BCAS3: variants seen among roughly 807,000 people sequenced by gnomAD.
The protein encoded by BCAS3 is BCAS3 microtubule associated cell migration factor, also known as BCAS4/BCAS3 fusion.
In BCAS3, 53 loss-of-function variants were observed where a neutral mutation model predicts 116.1. The observed-to-expected ratio is 0.46, with a 90% CI of 0.37 to 0.57. The LOEUF (loss-of-function observed/expected upper bound fraction) is 0.57. Among genes scored for constraint, BCAS3 ranks in the 20% least tolerant of loss-of-function variants. The pLI, the probability that BCAS3 is intolerant of heterozygous loss-of-function variation, is 0.00. For synonymous variants in BCAS3, 391 were observed against 408.2 expected, an observed-to-expected ratio of 0.96 and a Z score of 0.51; for missense variants, 917 against 1,165.4, an observed-to-expected ratio of 0.79 and a Z score of 3.10.
chr17:60,709,368 C>T, intron 5 of BCAS3, 43 bp downstream of exon 5: 5 of 1,162,094 alleles, frequency 4.3e-6, no homozygotes, highest in Non-Finnish European at 6.4e-6. Context: ...TACTTCCCAG[C>T]ATGTTAGCTT....
intron 6 of BCAS3, among the ~76,000 whole-genome samples, chr17:60,792,262 C>G (rs1282620372): frequency 2.0e-5 from 3 of 152,206 alleles, no homozygotes; most frequent in Non-Finnish European, 4.4e-5. Flanking sequence ...CAGGAACAGG[C>G]AGAAGCCCCA....
At chr17:60,873,468 T>C (rs1468526855) in intron 8 of BCAS3, among the ~76,000 whole-genome samples, 1 of 152,200 alleles carries the variant, frequency 6.6e-6, no homozygotes, top group Admixed American at 6.5e-5. Context: ...TTGTTAAATA[T>C]TTAGTAACAA....
chr17:61,316,217 A>T lies in BCAS3; in HGVS notation c.2426-52110A>T, dbSNP rs1373801755. Among the ~76,000 whole-genome samples the T allele has an allele frequency of 6.6e-6, 1 of 152,066 alleles. No individual in the cohort carries two copies. The highest frequency in any genetic ancestry group is 2.4e-5 in the African/African-American group (1 of 41,404). ...GCTACTCAGGAGGCTGTGGCAGGAG[A>T]ATCACCTGAGTCCAGGAGGTGGAGG... On this transcript the variant is annotated intron_variant, in intron 22 of 23. Transcript: ENST00000407086. The surrounding 1 kb of genome is among the most constrained non-coding windows in gnomAD (Gnocchi z 5.8).
At chr17:61,125,598 T>C (rs372960016) in intron 22 of BCAS3, among the ~76,000 whole-genome samples, 317 of 152,334 alleles carry the variant, frequency 2.1e-3, no homozygotes, top group African/African-American at 7.3e-3. Context: ...TAATCTATGA[T>C]GAAAATGAAA....
At chr17:61,100,156 C>G (rs923371969) in intron 22 of BCAS3, among the ~76,000 whole-genome samples, 1 of 152,162 alleles carries the variant, frequency 6.6e-6, no homozygotes, top group African/African-American at 2.4e-5. Flanking sequence ...AGTTGAACTC[C>G]CCAGTCAGTT....
At chr17:60,855,142 G>T (rs866161123) in intron 7 of BCAS3, among the ~76,000 whole-genome samples, 180 of 151,372 alleles carry the variant, frequency 1.2e-3, no homozygotes, top group African/African-American at 4.3e-3. Context: ...TAGAGACAGG[G>T]TTTCACCATG....
intron 5 of BCAS3, among the ~76,000 whole-genome samples, chr17:60,745,472 T>C (rs1177314548): frequency 6.6e-6 from 1 of 152,008 alleles, no homozygotes; most frequent in Non-Finnish European, 1.5e-5. Context: ...TATATATGCT[T>C]AAAATAAAAA....
rs2074647040 is a variant in BCAS3, at chr17:61,106,318, C to A, written c.2425+21754C>A. ...ACAGTGTTCCAGTAAAATTATAATA[C>A]CAGATTTTTACTGTACCTTTTCTAT... is the stretch of plus-strand genomic sequence containing the variant. On this transcript the variant is annotated intron_variant, in intron 22 of 23. Coordinates refer to ENST00000407086, the MANE Select transcript of BCAS3 (RefSeq NM_017679.5). This position sits in a 1 kb window ranked among gnomAD's most constrained non-coding sequence, Gnocchi z 4.2. 6.6e-6 allele frequency among the ~76,000 whole-genome samples: 1 copy of A among 152,136 alleles called. No individual in the cohort carries two copies. The highest frequency in any genetic ancestry group is 2.1e-4 in the South Asian group (1 of 4,828).
intron 19 of BCAS3, among the ~76,000 whole-genome samples, chr17:61,071,648 A>G (rs2071438639): frequency 6.6e-6 from 1 of 152,238 alleles, no homozygotes; most frequent in Non-Finnish European, 1.5e-5. Flanking sequence ...TCCATACTAC[A>G]TATTGTAATT....
Position 60,936,829 on chromosome 17 carries a change from A to G in BCAS3, c.1088-10390A>G, listed in dbSNP as rs566737901. ...TAGGTTGCCTGTTCACTCTGATGGTAGTTTCTTTTGCTGTGCAGACGCTCT... is the reference window on the plus strand; with the variant it reads ...TAGGTTGCCTGTTCACTCTGATGGTGGTTTCTTTTGCTGTGCAGACGCTCT... On this transcript the variant is annotated intron_variant, in intron 13 of 23. Transcript: ENST00000407086. Among the ~76,000 whole-genome samples, 10 of 152,226 alleles carry G rather than the reference A, an allele frequency of 6.6e-5. No individual in the cohort carries two copies. In the East Asian group the frequency reaches 9.7e-4, roughly 15 times the overall value.
Position 61,012,005 on chromosome 17 carries a change from G to C in BCAS3, c.1487-3746G>C, listed in dbSNP as rs2065144786. ...TTCTACTAGAAAAGCAAAATAAAAA[G>C]ATAGAGATTCCTTCCTTTATGCTCA... On this transcript the variant is annotated intron_variant, in intron 15 of 23. Transcript: ENST00000407086. The surrounding 1 kb of genome is among the most constrained non-coding windows in gnomAD (Gnocchi z 4.5). Among the ~76,000 whole-genome samples the C allele has an allele frequency of 6.6e-6, 1 of 151,938 alleles. No individual in the cohort carries two copies. Among genetic ancestry groups the C allele is most frequent in the African/African-American group, 2.4e-5 (1 of 41,394 alleles).
At chr17:61,164,535 T>C (rs1199840207) in intron 22 of BCAS3, among the ~76,000 whole-genome samples, 1 of 152,114 alleles carries the variant, frequency 6.6e-6, no homozygotes, top group Admixed American at 6.5e-5. Context: ...CCCCCATGAA[T>C]GAATTAATGC....
Position 60,947,310 on chromosome 17 carries a change from C to T in BCAS3, c.1179C>T (p.Val393=). ...CTTGGTCCTCATCACAATGTGCTGT[C>T]CACCATCTGTATACTCTTCACAGGG... ...THPWSSSQCA[V]HHLYTLHRGE... Residue 393 remains valine (V), a synonymous_variant, in exon 14 of 24, where the codon GTC becomes GTT. Coordinates refer to ENST00000407086, the MANE Select transcript of BCAS3 (RefSeq NM_017679.5). 13 of 1,613,568 alleles carry T rather than the reference C, an allele frequency of 8.1e-6. No individual in the cohort carries two copies. The highest frequency in any genetic ancestry group is 1.1e-5 in the Non-Finnish European group (13 of 1,179,566).
rs2065567859 is a variant in BCAS3, at chr17:61,017,827, GA to G, written c.1637+1927del. 6.6e-6 allele frequency among the ~76,000 whole-genome samples: 1 copy of G among 151,828 alleles called. No individual in the cohort carries two copies. The highest frequency in any genetic ancestry group is 1.5e-5 in the Non-Finnish European group (1 of 67,936). On this transcript the variant is annotated intron_variant, in intron 16 of 23. Coordinates refer to ENST00000407086, the MANE Select transcript of BCAS3 (RefSeq NM_017679.5). This position sits in a 1 kb window ranked among gnomAD's most constrained non-coding sequence, Gnocchi z 4.7. ...TCTCTCTCTCTCCCTCTTACAACCC[GA>G]TTTCTCTCTACACTGAGATGAATAG...
rs2060175466 is a variant in BCAS3 at position 61,392,338 on chromosome 17, G to T, written c.*213G>T. ...GCCCTCTGCCACACCTGTCGGTGGA[G>T]GCTGTGGCCAGGAGAGACTGTAGAA... On this transcript the variant is annotated 3_prime_UTR_variant, in exon 24 of 24. Transcript: ENST00000407086. This position sits in a 1 kb window ranked among gnomAD's most constrained non-coding sequence, Gnocchi z 6.4. The T allele has an allele frequency of 1.8e-5, 10 of 571,290 alleles. No homozygotes were observed. The South Asian group carries it at 2.5e-4, about 14-fold the overall frequency. 35.4% of individuals were successfully genotyped at this position (571,290 alleles called of 1,614,324 possible).
At position 61,021,650 on chromosome 17, in the gene BCAS3, G is replaced by A. The variant is rs752336554; in HGVS notation, c.1637+5749G>A. On this transcript the variant is annotated intron_variant, in intron 16 of 23. Transcript: ENST00000407086. The surrounding 1 kb of genome is among the most constrained non-coding windows in gnomAD (Gnocchi z 4.6). ...TAAGCCTCAGGACTGTTGAGCAGCC[G>A]TAAGCCAGTGCTGATGGGCTCAGGC... Among the ~76,000 whole-genome samples, 10 of 152,134 alleles carry A rather than the reference G, an allele frequency of 6.6e-5. No individual in the cohort carries two copies. The highest frequency in any genetic ancestry group is 1.2e-4 in the Non-Finnish European group (8 of 68,038).
chr17:60,679,937 G>T (rs2032739425), intron 2 of BCAS3, among the ~76,000 whole-genome samples: 1 of 152,036 alleles, frequency 6.6e-6, no homozygotes, highest in South Asian at 2.1e-4. Flanking sequence ...AGGAGATCGA[G>T]ACCATCCTGG....
chr17:60,792,191 G>A (rs1173965301), intron 6 of BCAS3, among the ~76,000 whole-genome samples: 1 of 152,206 alleles, frequency 6.6e-6, no homozygotes, highest in Non-Finnish European at 1.5e-5. Flanking sequence ...GGTGGTGATG[G>A]CAGTGGTGGC....
Position 61,087,300 on chromosome 17 carries a change from AT to A in BCAS3, c.2425+2737del. The stretch of plus-strand genomic sequence containing the variant: ...CCTGTATTACCTTCAAGCATTTTAT[AT>A]GACTTCATGGATTATCTTCTTAATT... On this transcript the variant is annotated intron_variant, in intron 22 of 23. Transcript: ENST00000407086. The surrounding 1 kb of genome is among the most constrained non-coding windows in gnomAD (Gnocchi z 4.6). 15 of 705,004 alleles carry A rather than the reference AT, an allele frequency of 2.1e-5. No homozygotes were observed. The highest frequency in any genetic ancestry group is 2.6e-5 in the Non-Finnish European group (15 of 574,138). The allele number at this position is 705,004 out of a possible 1,614,324, so 43.7% of individuals were successfully genotyped here. A position where few individuals can be genotyped will look rare whatever the true frequency, so the allele number is the denominator to read the frequency against.
Sources: gnomAD v4.1 joint callset for allele counts (sites outside exome capture counted in the v4.1 genomes callset) on GRCh38, gnomAD v4.1.1 for gene constraint, Gnocchi (gnomAD v3.1) non-coding constraint, MANE v1.5 for transcripts, NCBI Gene and HGNC (gene_info 2026-07-23, HGNC 2026-07-21) for gene names.